KAZN: variants seen among roughly 807,000 people sequenced by gnomAD.
KAZN encodes the protein kazrin, periplakin interacting protein, also known as kazrin.
In KAZN, 40 loss-of-function variants were observed where a neutral mutation model predicts 87.4. The ratio of observed to expected loss-of-function variants is 0.46; its 90% confidence interval spans 0.36 to 0.60. The LOEUF is 0.60. Ranked by LOEUF, KAZN falls within the 20% of genes least tolerant of loss-of-function variation. The probability of loss-of-function intolerance (pLI) is 0.00; values close to 1 mark genes in which losing one functional copy is unlikely to be tolerated. For missense variants in KAZN, 898 were observed against 1,073.9 expected (o/e 0.84, Z 2.29); for synonymous variants, 466 against 458.3 (o/e 1.02, Z -0.22).
At chr1:14,266,014 C>G (rs914857589) in intron 2 of KAZN, among the ~76,000 whole-genome samples, 12 of 152,182 alleles carry the variant, frequency 7.9e-5, no homozygotes, top group African/African-American at 2.9e-4. Context: ...ATCATGCCCC[C>G]TATCTGATGT....
chr1:13,931,067 A>G (rs1032396999), intron 1 of KAZN, among the ~76,000 whole-genome samples: 1 of 152,202 alleles, frequency 6.6e-6, no homozygotes, highest in African/African-American at 2.4e-5. Context: ...TCCCAGTAAA[A>G]TCTTGTGGTC....
chr1:14,935,704 C>G (rs1660372969), intron 1 of KAZN, among the ~76,000 whole-genome samples: 1 of 152,186 alleles, frequency 6.6e-6, no homozygotes, highest in African/African-American at 2.4e-5. Context: ...CCCCTTCTCC[C>G]TGTACCCTGG....
At chr1:15,075,666 G>A (rs572562815) in intron 8 of KAZN, among the ~76,000 whole-genome samples, 92 of 152,304 alleles carry the variant, frequency 6.0e-4, no homozygotes, top group Admixed American at 5.9e-3. Context: ...ACAGACACCA[G>A]GTCAGGTGTA....
chr1:14,623,303 A>T (rs1309780903), intron 1 of KAZN, among the ~76,000 whole-genome samples: 1 of 152,236 alleles, frequency 6.6e-6, no homozygotes. Flanking sequence ...AAAGAACAAG[A>T]TCATATCCTT....
chr1:15,042,941 G>A (rs1013405810), intron 3 of KAZN, among the ~76,000 whole-genome samples: 6 of 152,206 alleles, frequency 3.9e-5, no homozygotes, highest in African/African-American at 7.2e-5. Flanking sequence ...TCAAAAGGAC[G>A]CCTGTTGTTC....
intron 1 of KAZN, among the ~76,000 whole-genome samples, chr1:14,055,993 T>C (rs1394387953): frequency 6.6e-6 from 1 of 152,140 alleles, no homozygotes; most frequent in African/African-American, 2.4e-5. Context: ...TACCCCCTCT[T>C]ATCACCACCT....
intron 1 of KAZN, among the ~76,000 whole-genome samples, chr1:14,064,967 CAT>C (rs1367857488): frequency 1.3e-5 from 2 of 152,178 alleles, no homozygotes; most frequent in Admixed American, 1.3e-4. Flanking sequence ...AAGCGGAAAA[CAT>C]GTGTCCTTTA....
intron 1 of KAZN, among the ~76,000 whole-genome samples, chr1:14,885,676 A>C (rs931790138): frequency 5.3e-5 from 8 of 151,852 alleles, no homozygotes; most frequent in African/African-American, 1.9e-4. Context: ...TCAATTAAGC[A>C]GTACCGTGTA....
rs543280528 is a variant in KAZN at position 15,027,168 on chromosome 1, G to A, written c.419-7581G>A. On this transcript the variant is annotated intron_variant, in intron 2 of 14. Transcript: ENST00000376030. ...GCGATCTCGGCTCACTGCAAGCTCC[G>A]CCTCCCGGGTTCACGCCATTCTCCT... Among the ~76,000 whole-genome samples, 10 of 132,718 alleles carry A rather than the reference G, an allele frequency of 7.5e-5. No individual in the cohort carries two copies. The East Asian group carries it at 2.0e-3, about 27-fold the overall frequency. 87.1% of individuals were successfully genotyped at this position (132,718 alleles called of 152,430 possible).
At chr1:14,113,665 G>A (rs1644547563) in intron 1 of KAZN, among the ~76,000 whole-genome samples, 1 of 152,338 alleles carries the variant, frequency 6.6e-6, no homozygotes, top group Non-Finnish European at 1.5e-5. Flanking sequence ...GCACCCAAGT[G>A]TTCTGACTGC....
At chr1:14,881,591 C>T (rs903588489) in intron 1 of KAZN, among the ~76,000 whole-genome samples, 2 of 151,926 alleles carry the variant, frequency 1.3e-5, no homozygotes, top group African/African-American at 4.9e-5. Context: ...CAGTGGTGAG[C>T]CAAGCAGAGC....
chr1:15,078,312 G>A lies in KAZN; in HGVS notation c.1222+12559G>A, dbSNP rs1367894309. Among the ~76,000 whole-genome samples, 3 of 152,088 alleles carry A rather than the reference G, an allele frequency of 2.0e-5. No homozygotes were observed. In the East Asian group the frequency reaches 5.8e-4, roughly 29 times the overall value. On this transcript the variant is annotated intron_variant, in intron 8 of 14. Coordinates refer to ENST00000376030, the MANE Select transcript of KAZN (RefSeq NM_201628.3). ...CACAGCTACTCGGGGGGCTGAGGAA[G>A]GAGAATCGCTTGAACCTAGGAAGCG...
At chr1:14,861,819 T>C (rs79720926) in intron 1 of KAZN, among the ~76,000 whole-genome samples, 1,896 of 152,210 alleles carry the variant, frequency 0.012, 46 homozygotes, top group African/African-American at 0.044. Flanking sequence ...AGGGAGAATA[T>C]GAGGCTGGAG....
chr1:14,682,650 G>A (rs1640739102), intron 1 of KAZN, among the ~76,000 whole-genome samples: 1 of 151,660 alleles, frequency 6.6e-6, no homozygotes, highest in African/African-American at 2.4e-5. Flanking sequence ...ACATTTTGTT[G>A]TTATATTTTT....
chr1:14,018,600 G>A (rs1464594206), intron 1 of KAZN, among the ~76,000 whole-genome samples: 3 of 152,206 alleles, frequency 2.0e-5, no homozygotes, highest in African/African-American at 7.2e-5. Context: ...TGGCATGTGA[G>A]TTGGTGGACT....
intron 2 of KAZN, among the ~76,000 whole-genome samples, chr1:15,017,405 T>C (rs1394201585): frequency 6.6e-6 from 1 of 152,240 alleles, no homozygotes; most frequent in Admixed American, 6.5e-5. Flanking sequence ...AATAAGGCCG[T>C]GGCTAAGTCC....
intron 1 of KAZN, among the ~76,000 whole-genome samples, chr1:14,036,205 T>G (rs1024974971): frequency 6.6e-6 from 1 of 152,050 alleles, no homozygotes; most frequent in Non-Finnish European, 1.5e-5. Flanking sequence ...AGCAAGGAGG[T>G]TTCTCTTCCA....
intron 1 of KAZN, among the ~76,000 whole-genome samples, chr1:14,001,680 A>G (rs143922021): frequency 0.027 from 4,078 of 152,294 alleles, 201 homozygotes; most frequent in Admixed American, 0.13. Flanking sequence ...AACAGGACAG[A>G]GACCTCAGAA....
intron 1 of KAZN, among the ~76,000 whole-genome samples, chr1:14,821,106 G>A (rs959195392): frequency 6.6e-6 from 1 of 152,186 alleles, no homozygotes; most frequent in Non-Finnish European, 1.5e-5. Context: ...AATGGATGGG[G>A]AAGAAGTGAG....
Sources: allele counts gnomAD v4.1 joint callset (sites outside exome capture counted in the v4.1 genomes callset), GRCh38; gene constraint gnomAD v4.1.1; transcripts MANE v1.5; gene names NCBI Gene and HGNC (gene_info 2026-07-23, HGNC 2026-07-21).